DCUN1D2: variants seen among roughly 807,000 people sequenced by gnomAD.
DCUN1D2 encodes DCN1-like protein 2.
In DCUN1D2, 29 loss-of-function variants were observed where a neutral mutation model predicts 30.9. The ratio of observed to expected loss-of-function variants is 0.94; its 90% CI spans 0.70 to 1.28. The LOEUF is 1.28. Ranked by LOEUF, DCUN1D2 falls within the 50% of genes most tolerant of loss-of-function variation. The pLI is 0.00. For synonymous variants in DCUN1D2, 121 were observed against 115.3 expected (o/e 1.05, Z -0.32); for missense variants, 325 against 316.9 (o/e 1.03, Z -0.19).
intron 4 of DCUN1D2, among the ~76,000 whole-genome samples, chr13:113,473,903 G>A (rs550128864): frequency 2.6e-5 from 4 of 152,326 alleles, no homozygotes; most frequent in African/African-American, 9.6e-5. Flanking sequence ...TGCTTGGGAG[G>A]CTGAGGTGGG....
At chr13:113,487,551 G>A (rs1566508990) in intron 1 of DCUN1D2, among the ~76,000 whole-genome samples, 1 of 152,100 alleles carries the variant, frequency 6.6e-6, no homozygotes, top group Non-Finnish European at 1.5e-5. Context: ...CAGCCACACG[G>A]TGCACGACTC....
At chr13:113,480,538 T>A (rs1464735381) in intron 3 of DCUN1D2, 37 bp downstream of exon 3, 3 of 1,606,842 alleles carry the variant, frequency 1.9e-6, no homozygotes, top group Admixed American at 1.7e-5. Flanking sequence ...AGTATTTTCA[T>A]TTCTGAAAAC....
At chr13:113,463,599 T>G (rs903860954) in intron 4 of DCUN1D2, among the ~76,000 whole-genome samples, 1 of 151,760 alleles carries the variant, frequency 6.6e-6, no homozygotes, top group Non-Finnish European at 1.5e-5. Flanking sequence ...CTAGCCAGTA[T>G]GAAACTATGT....
intron 1 of DCUN1D2, among the ~76,000 whole-genome samples, chr13:113,486,698 G>A (rs994515646): frequency 4.6e-5 from 7 of 152,140 alleles, no homozygotes; most frequent in Non-Finnish European, 7.3e-5. Flanking sequence ...GCCCTCACAC[G>A]TGCAGGCAGC....
At chr13:113,469,623 G>C (rs1330227293) in intron 4 of DCUN1D2, among the ~76,000 whole-genome samples, 1 of 152,198 alleles carries the variant, frequency 6.6e-6, no homozygotes, top group Admixed American at 6.5e-5. Context: ...TGAGGGTGCG[G>C]TCATGGCCAC....
Position 113,459,422 on chromosome 13 carries a change from G to T in DCUN1D2, c.604-14C>A, listed in dbSNP as rs757972368. The T allele has an allele frequency of 9.7e-6, 11 of 1,136,590 alleles. No individual in the cohort carries two copies. Among genetic ancestry groups the T allele is most frequent in the East Asian group, 2.6e-5 (1 of 38,204 alleles). 70.4% of individuals were successfully genotyped at this position (1,136,590 alleles called of 1,614,324 possible). On this transcript the variant is annotated splice_polypyrimidine_tract_variant and intron_variant, in intron 5 of 6. Coordinates refer to ENST00000478244, the MANE Select transcript of DCUN1D2 (RefSeq NM_001014283.2). ...TTTGTGATGTTCCTAATATATGAGA[G>T]AAAAAAAAAACCCACCAGGTTTAAA...
chr13:113,473,110 C>A (rs892003754), intron 4 of DCUN1D2, among the ~76,000 whole-genome samples: 3 of 150,830 alleles, frequency 2.0e-5, no homozygotes, highest in African/African-American at 7.3e-5. Flanking sequence ...GCCTCTGTCC[C>A]TCTGTCCCCC....
rs78119136 is a variant in DCUN1D2 at position 113,462,409 on chromosome 13, T to A, written c.521-1273A>T. 1.1e-3 allele frequency among the ~76,000 whole-genome samples: 173 copies of A among 152,268 alleles called. 5 individuals are homozygous for A. In the East Asian group the frequency reaches 0.028, roughly 24 times the overall value. On this transcript the variant is annotated intron_variant, in intron 4 of 6. Transcript: ENST00000478244. ...AATGTGAAAAGCAGATTAATAAAAG[T>A]TAGGTAATATGTTAGTTTAAATGCA...
chr13:113,459,291 C>T (rs1234930466), intron 6 of DCUN1D2, 21 bp downstream of exon 6: 12 of 1,380,512 alleles, frequency 8.7e-6, no homozygotes, highest in Non-Finnish European at 1.2e-5. Context: ...GGTCAATCAT[C>T]TGAAGCACAA....
Position 113,483,846 on chromosome 13 carries a change from A to G in DCUN1D2, c.214T>C (p.Tyr72His), listed in dbSNP as rs1566506576. 6.2e-7 allele frequency: 1 copy of G among 1,612,240 alleles called. No individual in the cohort carries two copies. The highest frequency in any genetic ancestry group is 2.2e-5 in the East Asian group (1 of 44,888). The change falls in exon 2 of 7, where the codon TAC becomes CAC. Residue 72 changes from tyrosine (Y) to histidine (H), a missense_variant. Physicochemically the swap from Tyr to His is moderately conservative, Grantham distance 83. Transcript: ENST00000478244. ...KKKLERLYGR[Y>H]KDPQDENKIG... ...TGCTGCAGTCTCCTCTTACCTTTGTACCTGCCGTACAGCCGCTCCAGCTTC... is the reference window on the plus strand; with the variant it reads ...TGCTGCAGTCTCCTCTTACCTTTGTGCCTGCCGTACAGCCGCTCCAGCTTC...
chr13:113,459,802 T>G (rs958110922), intron 5 of DCUN1D2, among the ~76,000 whole-genome samples: 1 of 152,198 alleles, frequency 6.6e-6, no homozygotes, highest in Non-Finnish European at 1.5e-5. Context: ...TGCAACTTGT[T>G]TTTTTCCCAC....
At chr13:113,481,712 C>T (rs1022280390) in intron 2 of DCUN1D2, among the ~76,000 whole-genome samples, 2 of 151,866 alleles carry the variant, frequency 1.3e-5, no homozygotes, top group Non-Finnish European at 2.9e-5. Flanking sequence ...GGCGAAACCC[C>T]GTCTCTACTA....
At chr13:113,476,729 T>C (rs1407596650) in intron 3 of DCUN1D2, among the ~76,000 whole-genome samples, 1 of 152,362 alleles carries the variant, frequency 6.6e-6, no homozygotes, top group Non-Finnish European at 1.5e-5. Context: ...TCCTATTTCA[T>C]AGTCATAAAA....
Position 113,474,115 on chromosome 13 carries a change from C to T in DCUN1D2, c.520+9G>A. Reference sequence around the variant, plus strand: ...TCTGGCATTTTACGTATTTGGATTTCATACTCACCTAAACCTTTCTGCCCT... The same window carrying T: ...TCTGGCATTTTACGTATTTGGATTTTATACTCACCTAAACCTTTCTGCCCT... On this transcript the variant is annotated intron_variant, in intron 4 of 6. Transcript: ENST00000478244. 6.2e-7 allele frequency: 1 copy of T among 1,610,162 alleles called. No homozygotes were observed. Among genetic ancestry groups the T allele is most frequent in the South Asian group, 1.1e-5 (1 of 90,846 alleles).
At chr13:113,483,198 T>G (rs1007774186) in intron 2 of DCUN1D2, among the ~76,000 whole-genome samples, 1 of 152,164 alleles carries the variant, frequency 6.6e-6, no homozygotes, top group Non-Finnish European at 1.5e-5. Context: ...CGTATGCTCA[T>G]CACGGCAGTC....
chr13:113,484,036 C>G lies in DCUN1D2; in HGVS notation c.24G>C (p.Gln8His). The G allele has an allele frequency of 6.2e-7, 1 of 1,613,970 alleles. No individual in the cohort carries two copies. Among genetic ancestry groups the G allele is most frequent in the Non-Finnish European group, 8.5e-7 (1 of 1,180,032 alleles). MHKLKSSQKDKVRQFMAC... is the reference protein window; with the variant it reads MHKLKSSHKDKVRQFMAC... ...CCATAAACTGGCGGACCTTGTCCTT[C>G]TGAGACGATTTAAGCTTATGCTTTG... The change falls in exon 2 of 7, where the codon CAG becomes CAC. Residue 8 changes from glutamine to histidine, a missense_variant. Transcript: ENST00000478244.
intron 3 of DCUN1D2, 74 bp downstream of exon 3, chr13:113,480,501 T>C (rs2139730836): frequency 2.0e-6 from 3 of 1,531,372 alleles, no homozygotes; most frequent in Non-Finnish European, 2.7e-6. Context: ...AATTAGTATG[T>C]ACAGGTTGCT....
intron 4 of DCUN1D2, 21 bp downstream of exon 4, chr13:113,474,103 G>T (rs532931696): frequency 6.2e-7 from 1 of 1,603,608 alleles, no homozygotes; most frequent in Non-Finnish European, 8.5e-7. Context: ...GGCATTTTAC[G>T]TATTTGGATT....
intron 1 of DCUN1D2, among the ~76,000 whole-genome samples, chr13:113,484,911 C>G (rs1432522128): frequency 6.6e-6 from 1 of 152,040 alleles, no homozygotes; most frequent in Admixed American, 6.6e-5. Flanking sequence ...AACCCCATCT[C>G]TACTAAAAAT....
Sources: gnomAD v4.1 joint callset for allele counts (sites outside exome capture counted in the v4.1 genomes callset) on GRCh38, gnomAD v4.1.1 for gene constraint, MANE v1.5 for transcripts, NCBI Gene and HGNC (gene_info 2026-07-23, HGNC 2026-07-21) for gene names.